The following IKZF5 variants were observed in gnomAD, a reference collection of about 807,000 sequenced individuals.
IKZF5 encodes IKAROS family zinc finger 5.
In IKZF5, 4 loss-of-function variants were observed where a neutral mutation model predicts 30.7. The observed-to-expected ratio is 0.13, with a 90% CI of 0.06 to 0.30. The LOEUF is 0.30. Among genes scored for constraint, IKZF5 ranks in the 10% least tolerant of loss-of-function variants. The probability of loss-of-function intolerance (pLI) is 1.00; values close to 1 mark genes in which losing one functional copy is unlikely to be tolerated. For synonymous variants in IKZF5, 148 were observed against 179.6 expected (o/e 0.82, Z 1.41); for missense variants, 348 against 525.5 (o/e 0.66, Z 3.30).
Position 122,993,704 on chromosome 10 carries a change from G to A in IKZF5, c.*76C>T, listed in dbSNP as rs1849248108. The stretch of plus-strand genomic sequence containing the variant: ...CCTTGAATTAGCAGACACTTTATTA[G>A]GGATGACCAAAACAAAAAACAAAAA... On this transcript the variant is annotated 3_prime_UTR_variant, in exon 5 of 5. Transcript: ENST00000368886. 1 of 900,634 alleles carries A rather than the reference G, an allele frequency of 1.1e-6. No individual in the cohort carries two copies. Among genetic ancestry groups the A allele is most frequent in the African/African-American group, 1.7e-5 (1 of 59,698 alleles). The allele number at this position is 900,634 out of a possible 1,614,324, so 55.8% of individuals were successfully genotyped here.
In IKZF5 at chr10:122,991,638, A is replaced by AT. The variant is rs1849165380; in HGVS notation, c.*2141dup. 1 of 152,220 alleles carries AT rather than the reference A, an allele frequency of 6.6e-6. No homozygotes were observed. Among genetic ancestry groups the AT allele is most frequent in the Non-Finnish European group, 1.5e-5 (1 of 68,028 alleles). The allele number at this position is 152,220 out of a possible 1,614,324, so 9.4% of individuals were successfully genotyped here. ...CATACCAAAAAAGCCTCTAAGGTAG[A>AT]TTTGCCTCAAACATTTTAGTGCATT... is the stretch of plus-strand genomic sequence containing the variant. On this transcript the variant is annotated 3_prime_UTR_variant, in exon 5 of 5. Coordinates refer to ENST00000368886, the MANE Select transcript of IKZF5 (RefSeq NM_001372123.1).
At chr10:122,997,626 A>AGG (rs1192890421) in intron 3 of IKZF5, 1 of 152,248 alleles carries the variant, frequency 6.6e-6, no homozygotes, top group Non-Finnish European at 1.5e-5. Context: ...TATCTAGGTC[A>AGG]GGGGTCAGCA....
Position 122,993,042 on chromosome 10 carries a change from A to G in IKZF5, c.*738T>C, listed in dbSNP as rs1372894257. The G allele has an allele frequency of 1.3e-5, 2 of 152,730 alleles. No homozygotes were observed. Among genetic ancestry groups the G allele is most frequent in the East Asian group, 3.9e-4 (2 of 5,190 alleles). The allele number at this position is 152,730 out of a possible 1,614,324, so 9.5% of individuals were successfully genotyped here. ...AATGATATCAGAATGAAGGATTTAA[A>G]TGAAAGTCAAACTGACAGGGGAAAA... On this transcript the variant is annotated 3_prime_UTR_variant, in exon 5 of 5. Transcript: ENST00000368886.
intron 2 of IKZF5, among the ~76,000 whole-genome samples, chr10:123,005,286 C>A (rs1470981352): frequency 6.6e-6 from 1 of 152,096 alleles, no homozygotes; most frequent in Non-Finnish European, 1.5e-5. Context: ...TAACTGATAC[C>A]CAGAGATGCC....
chr10:123,000,290 T>G (rs1433512974), intron 2 of IKZF5, among the ~76,000 whole-genome samples: 2 of 152,266 alleles, frequency 1.3e-5, no homozygotes, highest in Admixed American at 6.5e-5. Context: ...AGATTAGTTT[T>G]GTCTGTTCTT....
intron 3 of IKZF5, among the ~76,000 whole-genome samples, chr10:122,996,683 G>A (rs1251886720): frequency 3.3e-5 from 5 of 152,184 alleles, no homozygotes; most frequent in Non-Finnish European, 5.9e-5. Flanking sequence ...CAGCCTGGGC[G>A]ACAGAGCAAG....
At position 122,994,278 on chromosome 10, in the gene IKZF5, C is replaced by G. The variant is rs1849277613; in HGVS notation, c.762G>C (p.Gln254His). 6.2e-7 allele frequency: 1 copy of G among 1,613,860 alleles called. No homozygotes were observed. The highest frequency in any genetic ancestry group is 1.7e-5 in the Admixed American group (1 of 59,988). The change falls in exon 5 of 5, where the codon CAG becomes CAC. Residue 254 changes from glutamine to histidine, a missense_variant. Gln to His is a conservative substitution (Grantham distance 24). Transcript: ENST00000368886. The surrounding 1 kb of genome is among the most constrained non-coding windows in gnomAD (Gnocchi z 5.6). The part of the protein sequence containing the change: ...QELMVDNPLN[Q>H]LSTLAGQLSS... ...ACAACTGCCCTGCTAGAGTCGAGAG[C>G]TGATTCAAAGGGTTATCAACCATGA... is the stretch of plus-strand genomic sequence containing the variant.
intron 4 of IKZF5, among the ~76,000 whole-genome samples, chr10:122,995,538 CAG>C: frequency 6.6e-6 from 1 of 151,966 alleles, no homozygotes; most frequent in South Asian, 2.1e-4. Flanking sequence ...TGGTCTTGGG[CAG>C]AGGGCAGATG....
At chr10:122,997,197 C>A (rs1328358128) in intron 3 of IKZF5, 1 of 152,170 alleles carries the variant, frequency 6.6e-6, no homozygotes, top group Non-Finnish European at 1.5e-5. Context: ...TCTCTTGAAT[C>A]CTGTTTGGAA....
In IKZF5 at chr10:123,003,452, A is replaced by G. The variant is rs9423305; in HGVS notation, c.-47+3574T>C. Among the ~76,000 whole-genome samples the G allele has an allele frequency of 2.0e-5, 3 of 152,292 alleles. No individual in the cohort carries two copies. In the South Asian group the frequency reaches 6.2e-4, roughly 32 times the overall value. ...AGGGGTCCTGGAACCAGTACCTACC[A>G]GATATGGAGGGACAACTTTAAGACT... is the stretch of plus-strand genomic sequence containing the variant. On this transcript the variant is annotated intron_variant, in intron 2 of 4. Transcript: ENST00000368886.
Position 122,992,644 on chromosome 10 carries a change from CGAT to C in IKZF5, c.*1133_*1135del, listed in dbSNP as rs1418503923. The C allele has an allele frequency of 6.6e-6, 1 of 152,112 alleles. No homozygotes were observed. The highest frequency in any genetic ancestry group is 1.5e-5 in the Non-Finnish European group (1 of 68,008). The allele number at this position is 152,112 out of a possible 1,614,324, so 9.4% of individuals were successfully genotyped here. A position where few individuals can be genotyped will look rare whatever the true frequency, so the allele number is the denominator to read the frequency against. ...ACCTTTTTATCCTTTCTTACTAAAG[CGAT>C]GATTTAGTTTCTACACAGTTTCGTC... On this transcript the variant is annotated 3_prime_UTR_variant, in exon 5 of 5. Coordinates refer to ENST00000368886, the MANE Select transcript of IKZF5 (RefSeq NM_001372123.1).
At chr10:123,001,957 T>C (rs990379345) in intron 2 of IKZF5, among the ~76,000 whole-genome samples, 1 of 152,228 alleles carries the variant, frequency 6.6e-6, no homozygotes, top group African/African-American at 2.4e-5. Context: ...TAGACCAACA[T>C]TTGACATACC....
intron 3 of IKZF5, among the ~76,000 whole-genome samples, chr10:122,997,713 TCTG>T (rs1849428514): frequency 1.3e-5 from 2 of 152,214 alleles, no homozygotes; most frequent in African/African-American, 2.4e-5. Flanking sequence ...ACTGCTCAAC[TCTG>T]CTGTTTTAGC....
intron 2 of IKZF5, among the ~76,000 whole-genome samples, chr10:123,000,208 C>G (rs187238134): frequency 1.3e-5 from 2 of 152,346 alleles, no homozygotes; most frequent in East Asian, 1.9e-4. Flanking sequence ...AGAAACCCCC[C>G]TCGTGTACCC....
rs1287033447 is a variant in IKZF5 at position 122,991,340 on chromosome 10, AT to A, written c.*2439del. The A allele has an allele frequency of 5.3e-5, 8 of 152,344 alleles. No homozygotes were observed. Among genetic ancestry groups the A allele is most frequent in the African/African-American group, 1.7e-4 (7 of 41,596 alleles). The allele number at this position is 152,344 out of a possible 1,614,324, so 9.4% of individuals were successfully genotyped here. A position where few individuals can be genotyped will look rare whatever the true frequency, so the allele number is the denominator to read the frequency against. ...AATCTCTTCACAGTTTCTTAAAAAA[AT>A]ATTAGTGGAGATAAATTATCTACCA... is the stretch of plus-strand genomic sequence containing the variant. On this transcript the variant is annotated 3_prime_UTR_variant, in exon 5 of 5. Coordinates refer to ENST00000368886, the MANE Select transcript of IKZF5 (RefSeq NM_001372123.1).
intron 1 of IKZF5, 167 bp downstream of exon 1, chr10:123,008,527 G>C: frequency 5.1e-6 from 1 of 195,348 alleles, no homozygotes; most frequent in East Asian, 1.4e-4. Context: ...AAGAGGTCCC[G>C]GGCCATCACC....
chr10:122,994,055 C>G lies in IKZF5; in HGVS notation c.985G>C (p.Gly329Arg), dbSNP rs765935858. The G allele has an allele frequency of 6.2e-6, 10 of 1,614,116 alleles. No individual in the cohort carries two copies. The highest frequency in any genetic ancestry group is 8.5e-6 in the Non-Finnish European group (10 of 1,180,042). Residue 329 changes from glycine (G) to arginine (R), a missense_variant, in exon 5 of 5, where the codon GGT becomes CGT. Physicochemically the swap from Gly to Arg is moderately radical, Grantham distance 125. Around this residue, in one of 4 missense-constraint regions of IKZF5, gnomAD observed 176 missense variants for 198.2 expected, o/e 0.89. Coordinates refer to ENST00000368886, the MANE Select transcript of IKZF5 (RefSeq NM_001372123.1). This position sits in a 1 kb window ranked among gnomAD's most constrained non-coding sequence, Gnocchi z 5.6. ...HSQRNYSPVAGPSSEPSAHTS... is the reference protein window; with the variant it reads ...HSQRNYSPVARPSSEPSAHTS... Reference sequence around the variant, plus strand: ...TGGGCACTTGGCTCACTGCTTGGACCTGCCACTGGACTATAGTTCCTTTGA... The same window carrying G: ...TGGGCACTTGGCTCACTGCTTGGACGTGCCACTGGACTATAGTTCCTTTGA...
In IKZF5 at chr10:123,006,377, C is replaced by T. The variant is rs982609753; in HGVS notation, c.-47+649G>A. Among the ~76,000 whole-genome samples the T allele has an allele frequency of 2.6e-5, 4 of 152,108 alleles. 1 individual carries two copies. The highest frequency in any genetic ancestry group is 2.6e-4 in the Admixed American group (4 of 15,278). On this transcript the variant is annotated intron_variant, in intron 2 of 4. Transcript: ENST00000368886. The stretch of plus-strand genomic sequence containing the variant: ...TGATCAATGCAAGCATATATACAAG[C>T]ACACACACACAATTACATGTGTGTA...
intron 2 of IKZF5, among the ~76,000 whole-genome samples, chr10:122,999,919 G>A (rs887318003): frequency 6.6e-6 from 1 of 152,100 alleles, no homozygotes; most frequent in Non-Finnish European, 1.5e-5. Flanking sequence ...ATGCAAATAA[G>A]TACAATTCTC....
Sources: allele counts gnomAD v4.1 joint callset (sites outside exome capture counted in the v4.1 genomes callset), GRCh38; gene constraint gnomAD v4.1.1; regional missense constraint gnomAD v4.1.1; non-coding constraint Gnocchi (gnomAD v3.1); transcripts MANE v1.5; gene names NCBI Gene and HGNC (gene_info 2026-07-23, HGNC 2026-07-21).